The following MCCC1 variants were observed in gnomAD, a reference collection of about 807,000 sequenced individuals.
MCCC1 encodes the protein methylcrotonoyl-CoA carboxylase subunit alpha, mitochondrial.
A neutral mutation model predicts 83.8 loss-of-function variants in MCCC1; 64 were observed. That is an observed-to-expected ratio of 0.76 (90% CI 0.62 to 0.94). MCCC1 has a LOEUF of 0.94. Ranked by LOEUF, MCCC1 falls within the 40% of genes least tolerant of loss-of-function variation. MCCC1 has a pLI of 0.00. For synonymous variants in MCCC1, 322 were observed against 315.4 expected (o/e 1.02, Z -0.22); for missense variants, 807 against 904.7 (o/e 0.89, Z 1.39).
At chr3:183,036,906 C>T (rs10937110) in intron 13 of MCCC1, among the ~76,000 whole-genome samples, 1 of 151,950 alleles carries the variant, frequency 6.6e-6, no homozygotes, top group Non-Finnish European at 1.5e-5. Flanking sequence ...ATCTCCTGAC[C>T]TCATGATCCA....
intron 14 of MCCC1, among the ~76,000 whole-genome samples, chr3:183,027,904 G>A (rs1712739934): frequency 6.6e-6 from 1 of 152,198 alleles, no homozygotes; most frequent in Non-Finnish European, 1.5e-5. Context: ...CAGAGGAGCT[G>A]CAGCAAATTA....
intron 7 of MCCC1, among the ~76,000 whole-genome samples, chr3:183,068,526 C>G (rs1029918144): frequency 6.6e-6 from 1 of 152,196 alleles, no homozygotes; most frequent in Non-Finnish European, 1.5e-5. Context: ...CAACCAGCAG[C>G]CCTTGGGGCT....
chr3:183,052,308 A>T (rs1299107752), intron 8 of MCCC1, 68 bp from the exon 9 acceptor site: 1 of 1,382,202 alleles, frequency 7.2e-7, no homozygotes, highest in Non-Finnish European at 1.0e-6. Context: ...ATTAAAATTC[A>T]ATTCAGTCAG....
chr3:183,082,687 G>C (rs547257367), intron 4 of MCCC1, among the ~76,000 whole-genome samples: 2 of 152,308 alleles, frequency 1.3e-5, no homozygotes, highest in East Asian at 3.9e-4. Context: ...GCAATCGAGA[G>C]AACGAGTGTG....
At chr3:183,072,818 T>C (rs1247463710) in intron 4 of MCCC1, among the ~76,000 whole-genome samples, 1 of 152,250 alleles carries the variant, frequency 6.6e-6, no homozygotes, top group Non-Finnish European at 1.5e-5. Flanking sequence ...ATCCTCAGGA[T>C]GTTTTAATCT....
chr3:183,017,071 G>C (rs1182301972), intron 18 of MCCC1, 195 bp downstream of exon 18: 5 of 600,430 alleles, frequency 8.3e-6, no homozygotes, highest in Middle Eastern at 3.5e-4. Flanking sequence ...GAAATGACAG[G>C]TGCAATTTCA....
intron 1 of MCCC1, among the ~76,000 whole-genome samples, chr3:183,097,647 G>T (rs1440979507): frequency 6.6e-6 from 1 of 152,132 alleles, no homozygotes; most frequent in African/African-American, 2.4e-5. Flanking sequence ...CTCCCACCTT[G>T]GATCCCACAG....
At chr3:183,059,056 C>G (rs1333068311) in intron 7 of MCCC1, among the ~76,000 whole-genome samples, 1 of 152,102 alleles carries the variant, frequency 6.6e-6, no homozygotes, top group African/African-American at 2.4e-5. Flanking sequence ...ACCTGTAATC[C>G]CAGCACTTTG....
At position 183,052,952 on chromosome 3, in the gene MCCC1, A is replaced by G. The variant is rs1218996667; in HGVS notation, c.874-712T>C. Among the ~76,000 whole-genome samples the G allele has an allele frequency of 2.0e-5, 3 of 151,866 alleles. No homozygotes were observed. The East Asian group carries it at 5.8e-4, about 29-fold the overall frequency. On this transcript the variant is annotated intron_variant, in intron 8 of 18. Transcript: ENST00000265594. ...TTTAAAGTGTATCCCTTTTACTTAAAAAAAAAAGTTAACTGTAAAACAGCC... is the reference window on the plus strand; with the variant it reads ...TTTAAAGTGTATCCCTTTTACTTAAGAAAAAAAGTTAACTGTAAAACAGCC...
At chr3:183,101,058 G>T (rs1360356245), upstream of MCCC1, among the ~76,000 whole-genome samples, 2 of 152,260 alleles carry the variant, frequency 1.3e-5, no homozygotes, top group African/African-American at 2.4e-5. Flanking sequence ...GCTGCGGAGG[G>T]TGTACTGAGT....
Position 183,094,451 on chromosome 3 carries a change from TATG to T in MCCC1, c.136+105_136+107del, listed in dbSNP as rs1486965510. The T allele has an allele frequency of 9.1e-6, 10 of 1,098,814 alleles. No homozygotes were observed. In the East Asian group the frequency reaches 1.3e-4, roughly 14 times the overall value. The allele number at this position is 1,098,814 out of a possible 1,614,324, so 68.1% of individuals were successfully genotyped here. A position where few individuals can be genotyped will look rare whatever the true frequency, so the allele number is the denominator to read the frequency against. On this transcript the variant is annotated intron_variant, in intron 2 of 18. Transcript: ENST00000265594. ...AAAATTATCGTGAAAATCCAAAATTTATGATAACTAATTCTATTATGCATATAT... is the reference window on the plus strand; with the variant it reads ...AAAATTATCGTGAAAATCCAAAATTTATAACTAATTCTATTATGCATATAT...
rs781655356 is a variant in MCCC1 at position 183,092,386 on chromosome 3, G to A, written c.273+23C>T. ...CAGTAAACGAATAAACGTAAGACGT[G>A]GCTTCCAATTTTTAACACATACCAT... is the stretch of plus-strand genomic sequence containing the variant. On this transcript the variant is annotated intron_variant, in intron 3 of 18. Transcript: ENST00000265594. The A allele has an allele frequency of 4.6e-5, 74 of 1,613,878 alleles. 2 individuals are homozygous for A. The South Asian group carries it at 7.8e-4, about 17-fold the overall frequency.
At chr3:183,066,133 T>C (rs949680767) in intron 7 of MCCC1, among the ~76,000 whole-genome samples, 2 of 152,212 alleles carry the variant, frequency 1.3e-5, no homozygotes, top group Non-Finnish European at 2.9e-5. Flanking sequence ...ATAATTCTGA[T>C]ATGACTTAGT....
intron 18 of MCCC1, 66 bp downstream of exon 18, chr3:183,017,200 C>A (rs1711711662): frequency 1.1e-5 from 15 of 1,396,628 alleles, no homozygotes; most frequent in Middle Eastern, 1.8e-4. Flanking sequence ...CAAAATAAGG[C>A]AAAAGAACCA....
chr3:183,064,240 T>G lies in MCCC1; in HGVS notation c.761+6759A>C, dbSNP rs969027823. 2.0e-5 allele frequency among the ~76,000 whole-genome samples: 3 copies of G among 150,478 alleles called. No homozygotes were observed. In the Admixed American group the frequency reaches 2.0e-4, roughly 10 times the overall value. ...CTTTTACCTCCCTAAAAGGAGAAAC[T>G]TGAGAGCTGATGGGACTGCTAGAAA... On this transcript the variant is annotated intron_variant, in intron 7 of 18. Coordinates refer to ENST00000265594, the MANE Select transcript of MCCC1 (RefSeq NM_020166.5). This position sits in a 1 kb window ranked among gnomAD's most constrained non-coding sequence, Gnocchi z 4.5.
At chr3:183,047,944 G>A (rs1303349865) in intron 9 of MCCC1, among the ~76,000 whole-genome samples, 4 of 152,256 alleles carry the variant, frequency 2.6e-5, no homozygotes, top group Non-Finnish European at 5.9e-5. Flanking sequence ...ACTGCATACT[G>A]TAGGCAACTG....
chr3:183,080,346 A>C (rs1717398035), intron 4 of MCCC1, among the ~76,000 whole-genome samples: 2 of 152,120 alleles, frequency 1.3e-5, no homozygotes, highest in Non-Finnish European at 2.9e-5. Context: ...AGATACCCTA[A>C]ATCATCTCTC....
At chr3:183,072,219 C>T (rs966716356) in intron 5 of MCCC1, 147 bp downstream of exon 5, 1 of 915,430 alleles carries the variant, frequency 1.1e-6, no homozygotes, top group Non-Finnish European at 1.7e-6. Flanking sequence ...ACTAAGTTGC[C>T]CAGGCTGGTC....
chr3:183,053,505 T>C (rs1481906814), intron 8 of MCCC1, among the ~76,000 whole-genome samples: 1 of 151,402 alleles, frequency 6.6e-6, no homozygotes, highest in Non-Finnish European at 1.5e-5. Flanking sequence ...TTTAATTTAA[T>C]TTAAAAATTT....
Sources: allele counts gnomAD v4.1 joint callset (sites outside exome capture counted in the v4.1 genomes callset), GRCh38; gene constraint gnomAD v4.1.1; non-coding constraint Gnocchi (gnomAD v3.1); transcripts MANE v1.5; gene names NCBI Gene and HGNC (gene_info 2026-07-23, HGNC 2026-07-21).